The following ITGB2 variants were observed in gnomAD, a reference collection of about 807,000 sequenced individuals.
ITGB2 encodes the protein integrin beta-2.
In ITGB2, 56 loss-of-function variants were observed where a neutral mutation model predicts 86.8. The ratio of observed to expected loss-of-function variants is 0.65; its 90% CI spans 0.52 to 0.81. The LOEUF (loss-of-function observed/expected upper bound fraction) is 0.81. Among genes scored for constraint, ITGB2 ranks in the 30% least tolerant of loss-of-function variants. The probability of loss-of-function intolerance (pLI) is 0.00; values close to 1 mark genes in which losing one functional copy is unlikely to be tolerated. For synonymous variants in ITGB2, 457 were observed against 450.4 expected (o/e 1.01, Z -0.19); for missense variants, 948 against 1,061.2 (o/e 0.89, Z 1.48).
At chr21:44,894,197 G>A (rs914264340) in intron 9 of ITGB2, 4 of 166,122 alleles carry the variant, frequency 2.4e-5, no homozygotes, top group Admixed American at 2.2e-4. Flanking sequence ...GGGGTTTGGG[G>A]CTCACGGGAG....
Position 44,908,721 on chromosome 21 carries a change from C to T in ITGB2, c.147+1563G>A, listed in dbSNP as rs114605515. Among the ~76,000 whole-genome samples the T allele has an allele frequency of 7.7e-3, 1,166 of 152,298 alleles. 15 individuals carry two copies. Among genetic ancestry groups the T allele is most frequent in the African/African-American group, 0.025 (1,050 of 41,558 alleles). On this transcript the variant is annotated intron_variant, in intron 3 of 15. Transcript: ENST00000652462. ...TGAGGAATTCTGTCTGCGGCTTGTC[C>T]GGCTACAACGGTGCTGGAGCCCAGA...
chr21:44,903,390 G>A lies in ITGB2; in HGVS notation c.474C>T (p.Asn158=), dbSNP rs753440204. ...CAATGCGGCCGGACTCGGTGATCTCGTTGAGGGCCCGGAGCAGGTCGCCAC... is the reference window on the plus strand; with the variant it reads ...CAATGCGGCCGGACTCGGTGATCTCATTGAGGGCCCGGAGCAGGTCGCCAC... ...KLGGDLLRAL[N]EITESGRIGF... Residue 158 remains asparagine (N), a synonymous_variant, in exon 5 of 16, where the codon AAC becomes AAT. Coordinates refer to ENST00000652462, the MANE Select transcript of ITGB2 (RefSeq NM_000211.5). 2.1e-5 allele frequency: 34 copies of A among 1,614,006 alleles called. No individual in the cohort carries two copies. The highest frequency in any genetic ancestry group is 5.3e-5 in the African/African-American group (4 of 74,916).
chr21:44,907,219 G>A (rs2084057926), intron 3 of ITGB2, 124 bp from the exon 4 acceptor site: 1 of 716,722 alleles, frequency 1.4e-6, no homozygotes, highest in Non-Finnish European at 2.3e-6. Context: ...ATTTGGGACA[G>A]AAGTCCCTGT....
In ITGB2 at chr21:44,906,885, G is replaced by C. The variant is rs767269247; in HGVS notation, c.328+30C>G. On this transcript the variant is annotated intron_variant, in intron 4 of 15. Transcript: ENST00000652462. ...AGAGCCAATAACCAGCACAGACGGT[G>C]CCTGGCACCACCACCGAGGCCAAGC... The C allele has an allele frequency of 1.2e-4, 196 of 1,612,384 alleles. 1 individual carries two copies. In the Admixed American group the frequency reaches 3.2e-3, roughly 27 times the overall value.
In ITGB2 at chr21:44,908,456, A is replaced by C. The variant is rs554099086; in HGVS notation, c.148-1361T>G. On this transcript the variant is annotated intron_variant, in intron 3 of 15. Transcript: ENST00000652462. Reference sequence around the variant, plus strand: ...ACCAAAACTACTGGTGTTATCTGTAAATTCCAGACATTGTATGAAAAAGCA... The same window carrying C: ...ACCAAAACTACTGGTGTTATCTGTACATTCCAGACATTGTATGAAAAAGCA... Among the ~76,000 whole-genome samples, 234 of 152,252 alleles carry C rather than the reference A, an allele frequency of 1.5e-3. 1 individual carries two copies. The highest frequency in any genetic ancestry group is 3.4e-3 in the Middle Eastern group (1 of 294).
At chr21:44,907,440 C>A (rs1056019930) in intron 3 of ITGB2, among the ~76,000 whole-genome samples, 1 of 152,266 alleles carries the variant, frequency 6.6e-6, no homozygotes, top group Non-Finnish European at 1.5e-5. Context: ...AGCCCTTCAT[C>A]AGCAGAACCT....
At chr21:44,910,618 T>C in intron 2 of ITGB2, 107 bp downstream of exon 2, 1 of 1,445,002 alleles carries the variant, frequency 6.9e-7, no homozygotes, top group Non-Finnish European at 9.6e-7. Context: ...GCAAGGTCCT[T>C]CCCCAGCCTC....
At chr21:44,913,259 G>C (rs1324355923) in intron 1 of ITGB2, among the ~76,000 whole-genome samples, 3 of 152,196 alleles carry the variant, frequency 2.0e-5, no homozygotes, top group African/African-American at 7.2e-5. Flanking sequence ...CCAGCTCCAC[G>C]CTCTCCCTGG....
At chr21:44,921,173 A>C (rs2084298934), upstream of ITGB2, 1 of 152,348 alleles carries the variant, frequency 6.6e-6, no homozygotes, top group East Asian at 1.9e-4. Flanking sequence ...AAGGGCACCC[A>C]TTAGGAAGAA....
At chr21:44,926,162 G>A (rs1053348193) in intron 1 of ITGB2, among the ~76,000 whole-genome samples, 1 of 152,036 alleles carries the variant, frequency 6.6e-6, no homozygotes, top group African/African-American at 2.4e-5. Flanking sequence ...AAAGGCTGGT[G>A]GAGGGAGTGA....
At chr21:44,916,000 G>A (rs756892856) in intron 1 of ITGB2, among the ~76,000 whole-genome samples, 1 of 151,976 alleles carries the variant, frequency 6.6e-6, no homozygotes, top group Non-Finnish European at 1.5e-5. Context: ...TCGGCTCACT[G>A]CAACCTCCGC....
intron 1 of ITGB2, among the ~76,000 whole-genome samples, chr21:44,913,991 C>T (rs950197187): frequency 1.3e-5 from 2 of 152,084 alleles, no homozygotes; most frequent in Non-Finnish European, 2.9e-5. Flanking sequence ...AGCACAGACA[C>T]CCCCCACCCC....
At chr21:44,894,740 C>T (rs1410995421) in intron 9 of ITGB2, 2 of 588,202 alleles carry the variant, frequency 3.4e-6, no homozygotes, top group African/African-American at 1.9e-5. Flanking sequence ...GCTCAGGTTT[C>T]AGGGAGCATC....
intron 9 of ITGB2, chr21:44,894,495 T>C: frequency 4.2e-6 from 1 of 235,738 alleles, no homozygotes; most frequent in Non-Finnish European, 8.6e-6. Context: ...TGCAGCTCGA[T>C]GGGCCGTGCA....
intron 1 of ITGB2, among the ~76,000 whole-genome samples, chr21:44,912,641 G>A (rs1328234295): frequency 6.6e-6 from 1 of 152,152 alleles, no homozygotes; most frequent in Non-Finnish European, 1.5e-5. Flanking sequence ...ATCTCTGATC[G>A]TTGGGGGTTG....
In ITGB2 at chr21:44,888,689, T is replaced by C. The variant is rs774832335; in HGVS notation, c.2080+4A>G. On this transcript the variant is annotated splice_donor_region_variant and intron_variant, in intron 14 of 15. Coordinates refer to ENST00000652462, the MANE Select transcript of ITGB2 (RefSeq NM_000211.5). Reference sequence around the variant, plus strand: ...CGGTCCCCGCTGCACCCCAGCGGCCTCACCTCGGCTCTCATCCACATAGAT... The same window carrying C: ...CGGTCCCCGCTGCACCCCAGCGGCCCCACCTCGGCTCTCATCCACATAGAT... 3 of 1,606,872 alleles carry C rather than the reference T, an allele frequency of 1.9e-6. No homozygotes were observed. The highest frequency in any genetic ancestry group is 2.5e-6 in the Non-Finnish European group (3 of 1,179,892).
intron 12 of ITGB2, among the ~76,000 whole-genome samples, 183 bp from the exon 13 acceptor site, chr21:44,889,678 C>G (rs1201322518): frequency 6.6e-6 from 1 of 152,234 alleles, no homozygotes; most frequent in Non-Finnish European, 1.5e-5. Context: ...TGGCCGCCTC[C>G]TGGCCAGTCT....
intron 8 of ITGB2, among the ~76,000 whole-genome samples, chr21:44,898,356 T>A (rs1285660035): frequency 1.3e-5 from 2 of 152,162 alleles, no homozygotes; most frequent in African/African-American, 4.8e-5. Flanking sequence ...ACCTTTGACC[T>A]TTGCTGACTT....
intron 3 of ITGB2, chr21:44,909,318 C>A (rs1164239886): frequency 6.6e-6 from 1 of 152,340 alleles, no homozygotes; most frequent in Non-Finnish European, 1.5e-5. Context: ...GGGGCTCCTG[C>A]CAAAGCACAC....
Sources: allele counts gnomAD v4.1 joint callset (sites outside exome capture counted in the v4.1 genomes callset), GRCh38; gene constraint gnomAD v4.1.1; transcripts MANE v1.5; gene names NCBI Gene and HGNC (gene_info 2026-07-23, HGNC 2026-07-21).